C1orf21: variants seen among roughly 807,000 people sequenced by gnomAD.
The protein encoded by C1orf21 is chromosome 1 open reading frame 21.
Under a neutral mutation model 18.7 loss-of-function variants are expected in C1orf21, and 3 were observed. The ratio of observed to expected loss-of-function variants is 0.16; its 90% CI spans 0.07 to 0.42. The LOEUF (loss-of-function observed/expected upper bound fraction) is 0.42. Ranked by LOEUF, C1orf21 falls within the 10% of genes least tolerant of loss-of-function variation. The probability of loss-of-function intolerance (pLI) is 0.99; values close to 1 mark genes in which losing one functional copy is unlikely to be tolerated. For synonymous variants in C1orf21, 41 were observed against 46.4 expected (o/e 0.88, Z 0.47); for missense variants, 104 against 143.6 (o/e 0.72, Z 1.41).
intron 2 of C1orf21, among the ~76,000 whole-genome samples, chr1:184,483,377 T>C (rs1250175293): frequency 1.3e-5 from 2 of 152,204 alleles, no homozygotes; most frequent in African/African-American, 4.8e-5. Flanking sequence ...AGTGGGTGCA[T>C]AGAACACATT....
intron 4 of C1orf21, among the ~76,000 whole-genome samples, chr1:184,596,826 G>A (rs1382352949): frequency 2.0e-5 from 3 of 149,966 alleles, no homozygotes; most frequent in South Asian, 2.1e-4. Context: ...AGCTGGGATC[G>A]CACCACTGTA....
intron 2 of C1orf21, among the ~76,000 whole-genome samples, chr1:184,478,725 A>G (rs1237277343): frequency 1.3e-5 from 2 of 152,238 alleles, no homozygotes; most frequent in Non-Finnish European, 2.9e-5. Flanking sequence ...GGATATATAA[A>G]CAAAATTTCA....
chr1:184,591,767 C>G (rs1437513781), intron 4 of C1orf21, among the ~76,000 whole-genome samples: 1 of 151,262 alleles, frequency 6.6e-6, no homozygotes, highest in Non-Finnish European at 1.5e-5. Flanking sequence ...GATGGCGCCA[C>G]TGCACTCCAG....
At chr1:184,403,920 C>A (rs1397989338) in intron 1 of C1orf21, among the ~76,000 whole-genome samples, 1 of 152,142 alleles carries the variant, frequency 6.6e-6, no homozygotes, top group African/African-American at 2.4e-5. Context: ...TAACACTAAG[C>A]AGTTTTTTGG....
chr1:184,512,368 A>G (rs1658163198), intron 3 of C1orf21, among the ~76,000 whole-genome samples: 1 of 152,206 alleles, frequency 6.6e-6, no homozygotes, highest in African/African-American at 2.4e-5. Flanking sequence ...CTAAGAGTTC[A>G]TAGCACCTAG....
intron 1 of C1orf21, among the ~76,000 whole-genome samples, chr1:184,398,947 A>G (rs1656105759): frequency 6.7e-6 from 1 of 149,172 alleles, no homozygotes; most frequent in Non-Finnish European, 1.5e-5. Flanking sequence ...TTTTCCTTTT[A>G]AAATAATCAT....
chr1:184,435,134 A>G (rs1340899965), intron 1 of C1orf21, among the ~76,000 whole-genome samples: 2 of 152,268 alleles, frequency 1.3e-5, no homozygotes, highest in Non-Finnish European at 2.9e-5. Flanking sequence ...AAAGTCAAGA[A>G]CAATTCTCTG....
At chr1:184,529,934 T>C (rs1571400554) in intron 3 of C1orf21, among the ~76,000 whole-genome samples, 1 of 152,214 alleles carries the variant, frequency 6.6e-6, no homozygotes, top group East Asian at 1.9e-4. Flanking sequence ...TTGCAACTTA[T>C]TAGCTGCATG....
intron 1 of C1orf21, among the ~76,000 whole-genome samples, chr1:184,475,681 A>G (rs1238732622): frequency 6.6e-6 from 1 of 151,834 alleles, no homozygotes; most frequent in Non-Finnish European, 1.5e-5. Context: ...TGAATAGACC[A>G]TCAAATAGAA....
intron 3 of C1orf21, among the ~76,000 whole-genome samples, chr1:184,588,787 A>G (rs558368646): frequency 6.6e-6 from 1 of 152,216 alleles, no homozygotes; most frequent in Non-Finnish European, 1.5e-5. Flanking sequence ...GAGCAAACAC[A>G]TTGTAAATAC....
chr1:184,454,727 T>C (rs1657172581), intron 1 of C1orf21, among the ~76,000 whole-genome samples: 1 of 152,114 alleles, frequency 6.6e-6, no homozygotes, highest in African/African-American at 2.4e-5. Context: ...CCATCTACCA[T>C]AGTTGTAAGC....
chr1:184,389,668 G>A (rs905479459), intron 1 of C1orf21, among the ~76,000 whole-genome samples: 10 of 152,186 alleles, frequency 6.6e-5, no homozygotes, highest in Non-Finnish European at 1.2e-4. Context: ...CCTCAGTACT[G>A]TGTTGCCTTT....
chr1:184,486,153 G>T (rs752160258), intron 2 of C1orf21, among the ~76,000 whole-genome samples: 3 of 152,186 alleles, frequency 2.0e-5, no homozygotes, highest in Non-Finnish European at 2.9e-5. Context: ...AAGTAAAAGT[G>T]CTCAGCCCAG....
At chr1:184,460,856 G>C (rs1657298203) in intron 1 of C1orf21, among the ~76,000 whole-genome samples, 1 of 151,786 alleles carries the variant, frequency 6.6e-6, no homozygotes, top group Non-Finnish European at 1.5e-5. Flanking sequence ...TGTGTGAAAG[G>C]CAAGTGGTAA....
At chr1:184,421,630 T>A (rs930762902) in intron 1 of C1orf21, among the ~76,000 whole-genome samples, 2 of 152,158 alleles carry the variant, frequency 1.3e-5, no homozygotes, top group African/African-American at 4.8e-5. Flanking sequence ...AATATGTACT[T>A]GGGGCGGTAG....
chr1:184,492,387 A>G (rs937831261), intron 2 of C1orf21, among the ~76,000 whole-genome samples: 9 of 152,214 alleles, frequency 5.9e-5, no homozygotes, highest in African/African-American at 2.2e-4. Context: ...TGGACAATTC[A>G]CTCAACTGTG....
chr1:184,552,205 G>C (rs1025508300), intron 3 of C1orf21, among the ~76,000 whole-genome samples: 1 of 152,024 alleles, frequency 6.6e-6, no homozygotes. Flanking sequence ...CAGACAAGAA[G>C]GATATCCCTA....
chr1:184,588,464 CTAG>C (rs1286660261), intron 3 of C1orf21, among the ~76,000 whole-genome samples: 1 of 152,066 alleles, frequency 6.6e-6, no homozygotes, highest in African/African-American at 2.4e-5. Context: ...AAATGCTGAG[CTAG>C]TAGTGAACAG....
At chr1:184,483,835 TC>T (rs1265729718) in intron 2 of C1orf21, among the ~76,000 whole-genome samples, 2 of 146,758 alleles carry the variant, frequency 1.4e-5, no homozygotes, top group Non-Finnish European at 3.0e-5. Flanking sequence ...TGCCAATAAA[TC>T]CCAAATCCTT....
Sources: gnomAD v4.1 joint callset for allele counts (sites outside exome capture counted in the v4.1 genomes callset) on GRCh38, gnomAD v4.1.1 for gene constraint, MANE v1.5 for transcripts, NCBI Gene and HGNC (gene_info 2026-07-23, HGNC 2026-07-21) for gene names.